FBXL20: variants seen among roughly 807,000 people sequenced by gnomAD.
FBXL20 encodes the protein F-box and leucine rich repeat protein 20, also known as F-box/LRR-repeat protein 20.
FBXL20 carries 11 observed loss-of-function variants against 64.0 expected under a neutral mutation model. The ratio of observed to expected loss-of-function variants is 0.17; its 90% CI spans 0.11 to 0.28. The LOEUF (loss-of-function observed/expected upper bound fraction) is 0.28. FBXL20 is among the 10% of genes least tolerant of loss of function. The probability of loss-of-function intolerance (pLI) is 1.00; values close to 1 mark genes in which losing one functional copy is unlikely to be tolerated. For synonymous variants in FBXL20, 184 were observed against 189.0 expected (o/e 0.97, Z 0.22); for missense variants, 303 against 526.2 (o/e 0.58, Z 4.15).
intron 11 of FBXL20, among the ~76,000 whole-genome samples, chr17:39,270,072 G>A (rs1347426734): frequency 6.6e-6 from 1 of 152,162 alleles, no homozygotes; most frequent in Non-Finnish European, 1.5e-5. Context: ...ACCCGTCCAA[G>A]TATTAAAATA....
intron 2 of FBXL20, among the ~76,000 whole-genome samples, chr17:39,310,256 T>C (rs2047221768): frequency 6.6e-6 from 1 of 151,958 alleles, no homozygotes; most frequent in Non-Finnish European, 1.5e-5. Flanking sequence ...TGTGTCCAAC[T>C]GGAGTCTGCA....
chr17:39,351,374 A>C (rs1317820806), intron 1 of FBXL20, among the ~76,000 whole-genome samples: 1 of 151,740 alleles, frequency 6.6e-6, no homozygotes, highest in Non-Finnish European at 1.5e-5. Context: ...AAAAGTAGAC[A>C]CAATAACACT....
chr17:39,269,361 T>A (rs2046820192), intron 11 of FBXL20, among the ~76,000 whole-genome samples: 1 of 151,682 alleles, frequency 6.6e-6, no homozygotes, highest in Non-Finnish European at 1.5e-5. Flanking sequence ...GCCTGGCTAA[T>A]TTTTTGCATT....
At chr17:39,266,398 T>C (rs1412458696) in intron 12 of FBXL20, among the ~76,000 whole-genome samples, 1 of 152,122 alleles carries the variant, frequency 6.6e-6, no homozygotes, top group African/African-American at 2.4e-5. Context: ...TTTTGAATTT[T>C]TAGTAGAGAT....
In FBXL20 at chr17:39,261,276, T is replaced by A; in HGVS notation, c.*184A>T. 1.8e-6 allele frequency: 1 copy of A among 547,562 alleles called. No homozygotes were observed. 33.9% of individuals were successfully genotyped at this position (547,562 alleles called of 1,614,324 possible). A position where few individuals can be genotyped will look rare whatever the true frequency, so the allele number is the denominator to read the frequency against. ...AACTTCAGTCCCATGGTCACAAAGC[T>A]AGAGTGGATGGGGGTAAGGGTGTGT... On this transcript the variant is annotated 3_prime_UTR_variant, in exon 15 of 15. Transcript: ENST00000264658.
At chr17:39,371,669 T>C (rs1287002245) in intron 1 of FBXL20, among the ~76,000 whole-genome samples, 1 of 151,900 alleles carries the variant, frequency 6.6e-6, no homozygotes, top group East Asian at 1.9e-4. Flanking sequence ...TTTTTCTTTT[T>C]TTTTTTTTTG....
chr17:39,266,418 C>T (rs2046793256), intron 12 of FBXL20, among the ~76,000 whole-genome samples: 1 of 152,084 alleles, frequency 6.6e-6, no homozygotes, highest in Non-Finnish European at 1.5e-5. Flanking sequence ...TGGGGTTACA[C>T]CATGTTGGCC....
chr17:39,379,907 A>C (rs1243447048), intron 1 of FBXL20, among the ~76,000 whole-genome samples: 4 of 152,176 alleles, frequency 2.6e-5, no homozygotes, highest in South Asian at 4.1e-4. Context: ...TGAGCCCAGG[A>C]GGTCAAGGCT....
intron 1 of FBXL20, among the ~76,000 whole-genome samples, chr17:39,346,433 A>G (rs897789916): frequency 1.3e-5 from 2 of 152,158 alleles, no homozygotes; most frequent in East Asian, 3.9e-4. Flanking sequence ...TAGAAATGCG[A>G]AACACCACCA....
chr17:39,293,253 G>T (rs1670146236), intron 6 of FBXL20, among the ~76,000 whole-genome samples: 2 of 149,838 alleles, frequency 1.3e-5, no homozygotes, highest in African/African-American at 4.9e-5. Context: ...ACGGAGTCTC[G>T]CTCTGTCGCC....
At chr17:39,262,406 G>A (rs1487618704) in intron 14 of FBXL20, among the ~76,000 whole-genome samples, 2 of 151,934 alleles carry the variant, frequency 1.3e-5, no homozygotes, top group African/African-American at 2.4e-5. Context: ...TCAGCCTCCT[G>A]AGCAGCTGGG....
chr17:39,352,442 G>A lies in FBXL20; in HGVS notation c.43-9201C>T, dbSNP rs574654880. Among the ~76,000 whole-genome samples the A allele has an allele frequency of 7.9e-5, 12 of 151,898 alleles. 1 individual carries two copies. Among genetic ancestry groups the A allele is most frequent in the Admixed American group, 7.2e-4 (11 of 15,210 alleles). Reference sequence around the variant, plus strand: ...TCACAACTGTAATCCCAGCACTTTCGGAGGCTGAGGCAGGCAGATCACTTG... The same window carrying A: ...TCACAACTGTAATCCCAGCACTTTCAGAGGCTGAGGCAGGCAGATCACTTG... On this transcript the variant is annotated intron_variant, in intron 1 of 14. Transcript: ENST00000264658.
Position 39,303,604 on chromosome 17 carries a change from C to A in FBXL20, c.140G>T (p.Arg47Leu). 6.2e-7 allele frequency: 1 copy of A among 1,610,502 alleles called. No homozygotes were observed. Among genetic ancestry groups the A allele is most frequent in the Non-Finnish European group, 8.5e-7 (1 of 1,178,288 alleles). ...ACTTACCCTGGAGACCTGAGCACAG[C>A]GGCACAGGGTAACAACATCTAGAAA... ...FSFLDVVTLCRCAQVSRAWNV... is the reference protein window; with the variant it reads ...FSFLDVVTLCLCAQVSRAWNV... The change falls in exon 3 of 15, where the codon CGC becomes CTC. Residue 47 changes from arginine to leucine, a missense_variant. Arg to Leu is a moderately radical substitution (Grantham distance 102). This residue lies in a region of FBXL20 where 246 missense variants were observed against 422.6 expected (regional missense o/e 0.58). Transcript: ENST00000264658.
intron 1 of FBXL20, among the ~76,000 whole-genome samples, chr17:39,363,649 A>C (rs536491051): frequency 6.6e-6 from 1 of 151,844 alleles, no homozygotes; most frequent in South Asian, 2.1e-4. Flanking sequence ...TCCTCTAGAA[A>C]AAATTTTAAA....
At chr17:39,378,484 C>T (rs1001354425) in intron 1 of FBXL20, among the ~76,000 whole-genome samples, 2 of 152,104 alleles carry the variant, frequency 1.3e-5, no homozygotes, top group African/African-American at 4.8e-5. Context: ...ACTAAACAGA[C>T]ATTTCTACAA....
upstream of FBXL20, chr17:39,401,842 C>A: frequency 2.1e-6 from 1 of 467,672 alleles, no homozygotes; most frequent in Non-Finnish European, 3.1e-6. Context: ...CGGCACGACC[C>A]CCTGCGCCTC....
intron 2 of FBXL20, among the ~76,000 whole-genome samples, chr17:39,323,267 C>A (rs533293428): frequency 6.6e-6 from 1 of 152,268 alleles, no homozygotes; most frequent in African/African-American, 2.4e-5. Flanking sequence ...CCACACCCAG[C>A]CTTAACCTCA....
chr17:39,337,686 G>T (rs1025612032), intron 2 of FBXL20, among the ~76,000 whole-genome samples: 1 of 151,932 alleles, frequency 6.6e-6, no homozygotes, highest in Non-Finnish European at 1.5e-5. Flanking sequence ...CCCCGTCTGA[G>T]AAGTGAGGAG....
intron 2 of FBXL20, among the ~76,000 whole-genome samples, chr17:39,339,794 C>A (rs909198213): frequency 2.8e-4 from 42 of 151,902 alleles, no homozygotes; most frequent in Non-Finnish European, 1.2e-4. Context: ...CAGGCGCGCA[C>A]CACCACACCT....
Sources: gnomAD v4.1 joint callset for allele counts (sites outside exome capture counted in the v4.1 genomes callset) on GRCh38, gnomAD v4.1.1 for gene constraint, gnomAD v4.1.1 regional missense constraint, MANE v1.5 for transcripts, NCBI Gene and HGNC (gene_info 2026-07-23, HGNC 2026-07-21) for gene names.